The following ESCO2 variants were observed in gnomAD, a reference collection of about 807,000 sequenced individuals.
ESCO2 encodes the protein N-acetyltransferase ESCO2.
Under a neutral mutation model 61.7 loss-of-function variants are expected in ESCO2, and 51 were observed. The ratio of observed to expected loss-of-function variants is 0.83; its 90% CI spans 0.66 to 1.04. The LOEUF is 1.04. ESCO2 is among the 50% of genes least tolerant of loss of function. The pLI is 0.00. For missense variants in ESCO2, 692 were observed against 686.2 expected (o/e 1.01, Z -0.09); for synonymous variants, 230 against 238.2 (o/e 0.97, Z 0.32).
intron 9 of ESCO2, among the ~76,000 whole-genome samples, chr8:27,798,560 A>G (rs972549333): frequency 6.6e-6 from 1 of 152,182 alleles, no homozygotes; most frequent in Non-Finnish European, 1.5e-5. Flanking sequence ...ACACACAAAA[A>G]CCTGTACAAG....
At chr8:27,773,135 C>T (rs1804692003), upstream of ESCO2, among the ~76,000 whole-genome samples, 1 of 152,130 alleles carries the variant, frequency 6.6e-6, no homozygotes, top group South Asian at 2.1e-4. Context: ...GAATGTGAGT[C>T]CCTTTAAATT....
downstream of ESCO2, among the ~76,000 whole-genome samples, chr8:27,812,862 A>G (rs1805721057): frequency 6.6e-6 from 1 of 152,220 alleles, no homozygotes. Context: ...ATGCTTTTAC[A>G]CTGTTGGTGG....
chr8:27,787,775 T>A (rs1805078854), intron 5 of ESCO2, 110 bp from the exon 6 acceptor site: 1 of 784,304 alleles, frequency 1.3e-6, no homozygotes. Flanking sequence ...CAAGTTAATG[T>A]CAGATAGAAA....
Position 27,776,986 on chromosome 8 carries a change from T to C in ESCO2, c.678T>C (p.Asn226=). The part of the protein sequence containing the change: ...KSSLRKSSLE[N]EPSLGRTQKS... ...CTCTTAGAAAATCGTCCCTGGAAAA[T>C]GAGCCGTCACTGGGACGCACCCAAA... Residue 226 remains asparagine (N), a synonymous_variant, in exon 3 of 11, where the codon AAT becomes AAC. Coordinates refer to ENST00000305188, the MANE Select transcript of ESCO2 (RefSeq NM_001017420.3). 3 of 1,613,186 alleles carry C rather than the reference T, an allele frequency of 1.9e-6. No individual in the cohort carries two copies. The highest frequency in any genetic ancestry group is 2.5e-6 in the Non-Finnish European group (3 of 1,179,780).
At chr8:27,791,056 T>G (rs920615615) in intron 7 of ESCO2, among the ~76,000 whole-genome samples, 10 of 152,216 alleles carry the variant, frequency 6.6e-5, no homozygotes, top group African/African-American at 2.4e-4. Flanking sequence ...CGAATTTTTA[T>G]TCAAACTAGT....
chr8:27,811,071 T>C (rs765740749), downstream of ESCO2: 1 of 1,613,140 alleles, frequency 6.2e-7, no homozygotes, highest in Non-Finnish European at 8.5e-7. Flanking sequence ...AACACCATTC[T>C]CCTCCACAGC....
chr8:27,811,518 T>C (rs1385938638), downstream of ESCO2, among the ~76,000 whole-genome samples: 1 of 152,152 alleles, frequency 6.6e-6, no homozygotes, highest in Non-Finnish European at 1.5e-5. Flanking sequence ...TTGTGAACAA[T>C]ATTAGGCTGA....
intron 3 of ESCO2, chr8:27,779,901 G>A (rs1382339780): frequency 1.1e-5 from 4 of 354,936 alleles, no homozygotes; most frequent in African/African-American, 4.2e-5. Flanking sequence ...CCTTGACCTC[G>A]CAATCTACCC....
downstream of ESCO2, among the ~76,000 whole-genome samples, chr8:27,808,815 A>G (rs1372134775): frequency 6.6e-6 from 1 of 152,120 alleles, no homozygotes; most frequent in South Asian, 2.1e-4. Flanking sequence ...ATTTTCTTCC[A>G]GTTGGTAGCA....
At chr8:27,802,631 ATATATATATATATATATAT>A (rs1805466001) in intron 10 of ESCO2, among the ~76,000 whole-genome samples, 1 of 38,730 alleles carries the variant, frequency 2.6e-5, no homozygotes, top group Non-Finnish European at 4.2e-5. Context: ...AAAAAAAAAA[ATATATATATATATATATAT>A]ATATATTATA....
downstream of ESCO2, among the ~76,000 whole-genome samples, chr8:27,813,771 A>T (rs982569982): frequency 1.3e-5 from 2 of 152,186 alleles, no homozygotes; most frequent in Non-Finnish European, 2.9e-5. Context: ...TGATTCTTGA[A>T]TGTTACAACT....
chr8:27,805,442 ACTATTT>A (rs1805546400), downstream of ESCO2: 1 of 152,178 alleles, frequency 6.6e-6, no homozygotes, highest in African/African-American at 2.4e-5. Flanking sequence ...TATTTCAAGA[ACTATTT>A]CTATTTTAAA....
chr8:27,774,726 C>T (rs1450870631), intron 1 of ESCO2, 119 bp downstream of exon 1: 1 of 152,258 alleles, frequency 6.6e-6, no homozygotes. Context: ...CTCGGCAGGT[C>T]CGCAGGCCCG....
intron 9 of ESCO2, among the ~76,000 whole-genome samples, chr8:27,794,042 G>T (rs111427936): frequency 6.6e-6 from 1 of 151,704 alleles, no homozygotes; most frequent in Non-Finnish European, 1.5e-5. Context: ...TGTCCTCCAG[G>T]TTCATTCATG....
Position 27,775,643 on chromosome 8 carries a change from A to G in ESCO2, c.53+76A>G, listed in dbSNP as rs975973678. The G allele has an allele frequency of 4.6e-6, 7 of 1,508,360 alleles. No homozygotes were observed. In the African/African-American group the frequency reaches 6.9e-5, roughly 15 times the overall value. 93.4% of individuals were successfully genotyped at this position (1,508,360 alleles called of 1,614,324 possible). Reference sequence around the variant, plus strand: ...CTCTCTTGTTCTCTCCTATTTTCTAAAATTTTCGTTCTTCCACTAGCCTAC... The same window carrying G: ...CTCTCTTGTTCTCTCCTATTTTCTAGAATTTTCGTTCTTCCACTAGCCTAC... On this transcript the variant is annotated intron_variant, in intron 2 of 10. Transcript: ENST00000305188.
chr8:27,783,605 T>C (rs1037853333), intron 4 of ESCO2, among the ~76,000 whole-genome samples: 1 of 152,044 alleles, frequency 6.6e-6, no homozygotes, highest in Admixed American at 6.5e-5. Context: ...GTTTTTCCTT[T>C]ATTATTAATT....
At chr8:27,807,961 C>A (rs545534818), downstream of ESCO2, among the ~76,000 whole-genome samples, 1 of 152,076 alleles carries the variant, frequency 6.6e-6, no homozygotes, top group Non-Finnish European at 1.5e-5. Context: ...ATGAGGATGC[C>A]CTCACCAGAT....
intron 9 of ESCO2, among the ~76,000 whole-genome samples, chr8:27,796,956 AC>A (rs1245890894): frequency 2.6e-5 from 4 of 151,968 alleles, no homozygotes; most frequent in African/African-American, 9.7e-5. Flanking sequence ...CCCTGTCTTT[AC>A]AAAAATTAGC....
Position 27,804,469 on chromosome 8 carries a change from T to TA in ESCO2, c.*1034dup, listed in dbSNP as rs1027888640. On this transcript the variant is annotated 3_prime_UTR_variant, in exon 11 of 11. Transcript: ENST00000305188. ...TGTATGGTAATAGAACCAAGGTTAG[T>TA]AAATATACATAGGCTGGTGGATGAG... 4.1e-5 allele frequency: 40 copies of TA among 985,298 alleles called. 1 individual carries two copies. In the African/African-American group the frequency reaches 6.3e-4, roughly 15 times the overall value. 61.0% of individuals were successfully genotyped at this position (985,298 alleles called of 1,614,324 possible).
Sources: gnomAD v4.1 joint callset for allele counts (sites outside exome capture counted in the v4.1 genomes callset) on GRCh38, gnomAD v4.1.1 for gene constraint, MANE v1.5 for transcripts, NCBI Gene and HGNC (gene_info 2026-07-23, HGNC 2026-07-21) for gene names.